FYB1: variants seen among roughly 807,000 people sequenced by gnomAD.
The protein encoded by FYB1 is FYN-binding protein 1.
FYB1 carries 41 observed loss-of-function variants against 94.1 expected under a neutral mutation model. The ratio of observed to expected loss-of-function variants is 0.44; its 90% CI spans 0.34 to 0.57. FYB1 has a LOEUF of 0.57. Ranked by LOEUF, FYB1 falls within the 20% of genes least tolerant of loss-of-function variation. FYB1 has a pLI of 0.02. For synonymous variants in FYB1, 367 were observed against 353.2 expected (o/e 1.04, Z -0.44); for missense variants, 1,050 against 976.8 (o/e 1.07, Z -1.00).
In FYB1 at chr5:39,175,844, T is replaced by A. The variant is rs1745672685; in HGVS notation, c.1136-22240A>T. Among the ~76,000 whole-genome samples the A allele has an allele frequency of 4.6e-5, 7 of 152,176 alleles. No individual in the cohort carries two copies. In the South Asian group the frequency reaches 1.5e-3, roughly 32 times the overall value. On this transcript the variant is annotated intron_variant, in intron 2 of 18. Coordinates refer to ENST00000512982, the MANE Select transcript of FYB1 (RefSeq NM_001465.6). ...TTACAATAGTGAATAACCTAGTGAA[T>A]GCTACTGGCTTCTTAGGGGCTCAAG...
At chr5:39,126,903 A>G (rs1288501023) in intron 11 of FYB1, among the ~76,000 whole-genome samples, 1 of 151,500 alleles carries the variant, frequency 6.6e-6, no homozygotes, top group East Asian at 1.9e-4. Context: ...TACTAAAAAT[A>G]TGAAATAACC....
intron 2 of FYB1, among the ~76,000 whole-genome samples, chr5:39,187,743 C>T (rs1746970999): frequency 6.6e-6 from 1 of 152,126 alleles, no homozygotes; most frequent in South Asian, 2.1e-4. Flanking sequence ...AGAGGCAGCT[C>T]TTAGACTGAC....
intron 2 of FYB1, among the ~76,000 whole-genome samples, chr5:39,171,141 T>A (rs1242237284): frequency 2.0e-5 from 3 of 151,864 alleles, no homozygotes; most frequent in Admixed American, 6.6e-5. Context: ...TACAAAAAAA[T>A]TAGCTGGATG....
intron 13 of FYB1, 112 bp from the exon 14 acceptor site, chr5:39,122,514 G>T (rs2150287691): frequency 3.2e-6 from 2 of 622,988 alleles, no homozygotes; most frequent in Non-Finnish European, 5.6e-6. Flanking sequence ...AAAATAAGTT[G>T]TCCTAGTGTC....
At chr5:39,220,424 A>G (rs1052963667), upstream of FYB1, among the ~76,000 whole-genome samples, 1 of 151,668 alleles carries the variant, frequency 6.6e-6, no homozygotes, top group Admixed American at 6.6e-5. Context: ...AAGGAAAAAA[A>G]AAAAAGAAGA....
At chr5:39,221,759 G>T (rs1354324486), upstream of FYB1, among the ~76,000 whole-genome samples, 1 of 152,152 alleles carries the variant, frequency 6.6e-6, no homozygotes, top group Non-Finnish European at 1.5e-5. Context: ...CACTTTGGGA[G>T]GCCTAGGAGG....
intron 3 of FYB1, among the ~76,000 whole-genome samples, chr5:39,148,639 T>C (rs1742988650): frequency 6.6e-6 from 1 of 152,006 alleles, no homozygotes; most frequent in South Asian, 2.1e-4. Flanking sequence ...TTTCAGAACA[T>C]TTTAAGCATC....
intron 1 of FYB1, among the ~76,000 whole-genome samples, chr5:39,241,986 C>T (rs1001843589): frequency 3.3e-5 from 5 of 152,008 alleles, no homozygotes; most frequent in African/African-American, 1.2e-4. Context: ...CAGCCATATT[C>T]CCTCCAAATT....
chr5:39,237,520 A>G (rs959512424), intron 1 of FYB1, among the ~76,000 whole-genome samples: 5 of 152,094 alleles, frequency 3.3e-5, no homozygotes, highest in East Asian at 1.9e-4. Context: ...TGCTTACTCA[A>G]TCAATAAGAT....
At chr5:39,191,903 C>A (rs1747395131) in intron 2 of FYB1, among the ~76,000 whole-genome samples, 1 of 152,156 alleles carries the variant, frequency 6.6e-6, no homozygotes, top group Non-Finnish European at 1.5e-5. Context: ...TGGAATTACT[C>A]TTTTGTTAAA....
At chr5:39,267,515 T>C (rs1056837725) in intron 1 of FYB1, among the ~76,000 whole-genome samples, 1 of 152,224 alleles carries the variant, frequency 6.6e-6, no homozygotes, top group African/African-American at 2.4e-5. Flanking sequence ...GCCTGTTGAC[T>C]GTATCTGATC....
At chr5:39,139,130 A>C in intron 5 of FYB1, 103 bp downstream of exon 5, 1 of 1,170,768 alleles carries the variant, frequency 8.5e-7, no homozygotes, top group Non-Finnish European at 1.2e-6. Context: ...ATTGCTCATA[A>C]GGATTTTCAT....
At chr5:39,118,643 T>A in intron 16 of FYB1, among the ~76,000 whole-genome samples, 1 of 152,190 alleles carries the variant, frequency 6.6e-6, no homozygotes, top group East Asian at 1.9e-4. Context: ...TTTGGCATTA[T>A]CTTTGACACC....
rs75880213 is a variant in FYB1 at position 39,148,615 on chromosome 5, C to T, written c.1292+4833G>A. On this transcript the variant is annotated intron_variant, in intron 3 of 18. Coordinates refer to ENST00000512982, the MANE Select transcript of FYB1 (RefSeq NM_001465.6). ...ACTATCTGGCAGCTGGCTACTGATACGGCAAGTCTCAAGTTTCAGAACATT... is the reference window on the plus strand; with the variant it reads ...ACTATCTGGCAGCTGGCTACTGATATGGCAAGTCTCAAGTTTCAGAACATT... Among the ~76,000 whole-genome samples, 374 of 151,772 alleles carry T rather than the reference C, an allele frequency of 2.5e-3. 2 individuals are homozygous for T. Among genetic ancestry groups the T allele is most frequent in the African/African-American group, 8.6e-3 (355 of 41,414 alleles).
chr5:39,207,548 G>A (rs1413415866), intron 1 of FYB1, among the ~76,000 whole-genome samples: 2 of 152,162 alleles, frequency 1.3e-5, no homozygotes, highest in African/African-American at 2.4e-5. Context: ...AACAGTTAAA[G>A]GCTGAGATGG....
intron 18 of FYB1, among the ~76,000 whole-genome samples, chr5:39,107,688 A>C (rs1279315454): frequency 6.6e-6 from 1 of 152,026 alleles, no homozygotes; most frequent in Non-Finnish European, 1.5e-5. Context: ...TTCTCTATTA[A>C]AATGAGACTC....
At chr5:39,131,078 G>A (rs1170577664) in intron 9 of FYB1, among the ~76,000 whole-genome samples, 1 of 152,080 alleles carries the variant, frequency 6.6e-6, no homozygotes, top group Non-Finnish European at 1.5e-5. Flanking sequence ...TTTCTTTAAA[G>A]GGAGAACTTT....
rs774149758 is a variant in FYB1, at chr5:39,118,971, C to G, written c.2304G>C (p.Trp768Cys). ...GTTTTACCTGTAGATCTCTGGTTCC[C>G]CACTTTTTAGAAGTTATGGAAGTTG... The part of the protein sequence containing the change: ...KVTTSITSKK[W>C]GTRDLQVKPG... The change falls in exon 16 of 19, where the codon TGG (tryptophan) becomes TGC (cysteine). Residue 768 changes from tryptophan to cysteine, a missense_variant. Coordinates refer to ENST00000512982, the MANE Select transcript of FYB1 (RefSeq NM_001465.6). 52 of 1,564,632 alleles carry G rather than the reference C, an allele frequency of 3.3e-5. 1 individual carries two copies. The highest frequency in any genetic ancestry group is 7.8e-6 in the Non-Finnish European group (9 of 1,147,112).
intron 1 of FYB1, among the ~76,000 whole-genome samples, chr5:39,215,296 A>G (rs1280985699): frequency 2.0e-5 from 3 of 152,252 alleles, no homozygotes; most frequent in Non-Finnish European, 4.4e-5. Flanking sequence ...AACATCTAAT[A>G]TGAATAAAAT....
Sources: gnomAD v4.1 joint callset for allele counts (sites outside exome capture counted in the v4.1 genomes callset) on GRCh38, gnomAD v4.1.1 for gene constraint, MANE v1.5 for transcripts, NCBI Gene and HGNC (gene_info 2026-07-23, HGNC 2026-07-21) for gene names.